The following HYCC1 variants were observed in gnomAD, a reference collection of about 807,000 sequenced individuals.
HYCC1 encodes the protein hyccin PI4KA lipid kinase complex subunit 1.
the HYCC1 span, among the ~76,000 whole-genome samples, chr7:22,971,057 A>G: frequency 6.6e-6 from 1 of 151,984 alleles, no homozygotes; most frequent in Non-Finnish European, 1.5e-5. Flanking sequence ...ATCAATGTGT[A>G]AGTGAGAAAA....
At chr7:22,933,560 TTG>T in the HYCC1 span, among the ~76,000 whole-genome samples, 2 of 152,190 alleles carry the variant, frequency 1.3e-5, no homozygotes, top group Admixed American at 6.6e-5. Context: ...TATTTGTGTC[TTG>T]TGTCTTTGAA....
At chr7:22,993,514 A>C in the HYCC1 span, among the ~76,000 whole-genome samples, 1 of 152,214 alleles carries the variant, frequency 6.6e-6, no homozygotes, top group African/African-American at 2.4e-5. Flanking sequence ...CAAAAGTCTC[A>C]TATCCAGAAT....
chr7:22,930,825 T>TA, the HYCC1 span, among the ~76,000 whole-genome samples: 2 of 152,168 alleles, frequency 1.3e-5, no homozygotes, highest in Non-Finnish European at 2.9e-5. Context: ...AAGGTTGGTT[T>TA]ATCATTCAAA....
the HYCC1 span, among the ~76,000 whole-genome samples, chr7:23,002,136 G>GTGTATATATATATA: frequency 1.3e-5 from 1 of 76,614 alleles, no homozygotes; most frequent in Non-Finnish European, 2.3e-5. Context: ...GGTAAAAATT[G>GTGTATATATATATA]TATATATATA....
At chr7:22,983,731 G>A in the HYCC1 span, 77 of 528,614 alleles carry the variant, frequency 1.5e-4, no homozygotes, top group Non-Finnish European at 2.2e-4. Context: ...TACCTCTAGC[G>A]AGAGAGAAAA....
chr7:22,907,811 C>CTGAGGCAGGAGAATCGCT, the HYCC1 span, among the ~76,000 whole-genome samples: 2 of 152,170 alleles, frequency 1.3e-5, no homozygotes, highest in Non-Finnish European at 2.9e-5. Flanking sequence ...GCCCAGGAGG[C>CTGAGGCAGGAGAATCGCT]TGAGGCAGGA....
the HYCC1 span, among the ~76,000 whole-genome samples, chr7:23,008,029 T>C: frequency 6.6e-6 from 1 of 152,138 alleles, no homozygotes; most frequent in Non-Finnish European, 1.5e-5. Flanking sequence ...CACTGTTCAC[T>C]GCTATAACTT....
At chr7:22,928,633 T>C in the HYCC1 span, among the ~76,000 whole-genome samples, 33 of 152,102 alleles carry the variant, frequency 2.2e-4, no homozygotes, top group Non-Finnish European at 4.3e-4. Flanking sequence ...TTACAAGGGA[T>C]GTGAAGGACC....
At chr7:22,962,526 T>A in the HYCC1 span, among the ~76,000 whole-genome samples, 1 of 145,022 alleles carries the variant, frequency 6.9e-6, no homozygotes, top group African/African-American at 2.6e-5. Flanking sequence ...AGAGCAGCAA[T>A]CCCTTTCACC....
the HYCC1 span, chr7:22,942,200 T>G: frequency 6.6e-6 from 1 of 152,320 alleles, no homozygotes; most frequent in Admixed American, 6.5e-5. Context: ...TTTAAAAATA[T>G]ATTTCCCTTT....
At chr7:22,926,407 G>C in the HYCC1 span, among the ~76,000 whole-genome samples, 2 of 152,130 alleles carry the variant, frequency 1.3e-5, no homozygotes, top group East Asian at 1.9e-4. Context: ...AAAGAGTCAA[G>C]ACCCATCAGT....
chr7:22,962,539 C>G, the HYCC1 span, among the ~76,000 whole-genome samples: 4 of 151,612 alleles, frequency 2.6e-5, no homozygotes, highest in African/African-American at 7.3e-5. Flanking sequence ...CTTTCACCCC[C>G]CAGCGAACAA....
chr7:22,902,138 A>G, the HYCC1 span, among the ~76,000 whole-genome samples: 1 of 152,138 alleles, frequency 6.6e-6, no homozygotes, highest in Non-Finnish European at 1.5e-5. Flanking sequence ...ATATCTAGGA[A>G]ACCTCAAATA....
At chr7:22,960,456 T>A in the HYCC1 span, 1 of 1,499,982 alleles carries the variant, frequency 6.7e-7, no homozygotes, top group Non-Finnish European at 9.2e-7. Flanking sequence ...CATGAGCAGA[T>A]AGAGCAGATA....
At chr7:22,906,966 A>G in the HYCC1 span, among the ~76,000 whole-genome samples, 1 of 151,870 alleles carries the variant, frequency 6.6e-6, no homozygotes, top group African/African-American at 2.4e-5. Context: ...TTAGCTGGGC[A>G]TGGGGGCGGG....
the HYCC1 span, among the ~76,000 whole-genome samples, chr7:22,911,464 A>G: frequency 6.6e-6 from 1 of 152,222 alleles, no homozygotes. Flanking sequence ...TCATACCTAC[A>G]TTAAAGTTCA....
chr7:22,922,856 G>T, the HYCC1 span, among the ~76,000 whole-genome samples: 7 of 152,228 alleles, frequency 4.6e-5, no homozygotes, highest in East Asian at 1.9e-4. Context: ...CAACCCATCA[G>T]GAAGCTATAA....
chr7:22,942,628 A>G, the HYCC1 span: 1 of 152,160 alleles, frequency 6.6e-6, no homozygotes, highest in Non-Finnish European at 1.5e-5. Flanking sequence ...ATTTCTGTTC[A>G]GATCCTCTGA....
At chr7:22,927,816 T>C in the HYCC1 span, among the ~76,000 whole-genome samples, 1 of 152,102 alleles carries the variant, frequency 6.6e-6, no homozygotes, top group African/African-American at 2.4e-5. Context: ...AAAGAGAGAA[T>C]CCTCCCTAAC....
Sources: gnomAD v4.1 joint callset for allele counts (sites outside exome capture counted in the v4.1 genomes callset) on GRCh38, gnomAD v4.1.1 for gene constraint, MANE v1.5 for transcripts, NCBI Gene and HGNC (gene_info 2026-07-23, HGNC 2026-07-21) for gene names.